Variants in TPST1 observed in about 807,000 individuals in gnomAD.
TPST1 encodes the protein tyrosylprotein sulfotransferase 1.
Under a neutral mutation model 34.8 loss-of-function variants are expected in TPST1, and 20 were observed. The ratio of observed to expected loss-of-function variants is 0.57; its 90% CI spans 0.40 to 0.84. The LOEUF is 0.84. TPST1 is among the 40% of genes least tolerant of loss of function. TPST1 has a pLI of 0.00. For missense variants in TPST1, 353 were observed against 455.5 expected, an observed-to-expected ratio of 0.78 and a Z score of 2.05; for synonymous variants, 152 against 159.4, an observed-to-expected ratio of 0.95 and a Z score of 0.35.
chr7:66,280,294 G>A (rs1390066577), intron 2 of TPST1, among the ~76,000 whole-genome samples: 5 of 152,240 alleles, frequency 3.3e-5, no homozygotes, highest in Non-Finnish European at 7.3e-5. Context: ...CTAAGCATTG[G>A]AAGCGTCTTT....
intron 3 of TPST1, among the ~76,000 whole-genome samples, chr7:66,296,793 T>G (rs1035957185): frequency 6.6e-6 from 1 of 150,972 alleles, no homozygotes; most frequent in African/African-American, 2.4e-5. Flanking sequence ...TCATGGTTAC[T>G]GTGACTCACA....
intron 3 of TPST1, among the ~76,000 whole-genome samples, chr7:66,323,639 C>G (rs1791803029): frequency 6.6e-6 from 1 of 152,122 alleles, no homozygotes; most frequent in South Asian, 2.1e-4. Flanking sequence ...CAGATGCTAT[C>G]TAGAGATTGG....
chr7:66,257,113 A>AT (rs143188985), intron 2 of TPST1, among the ~76,000 whole-genome samples: 1 of 151,940 alleles, frequency 6.6e-6, no homozygotes. Context: ...CACCTGGCTA[A>AT]TTTTTTTATT....
intron 1 of TPST1, among the ~76,000 whole-genome samples, chr7:66,223,572 A>C (rs1182272952): frequency 6.6e-6 from 1 of 151,976 alleles, no homozygotes; most frequent in Non-Finnish European, 1.5e-5. Flanking sequence ...GTTCCTCATC[A>C]TGGGTGGTCT....
intron 2 of TPST1, among the ~76,000 whole-genome samples, chr7:66,274,657 T>C (rs1790770506): frequency 6.6e-6 from 1 of 152,120 alleles, no homozygotes; most frequent in Admixed American, 6.6e-5. Context: ...AGACAACCTA[T>C]AGAATGGGTT....
At chr7:66,239,877 G>A (rs1789990379) in intron 1 of TPST1, among the ~76,000 whole-genome samples, 1 of 151,682 alleles carries the variant, frequency 6.6e-6, no homozygotes, top group Non-Finnish European at 1.5e-5. Context: ...TTTTTGTTTT[G>A]TTTTGTTTTG....
At chr7:66,326,831 T>C (rs1188635493) in intron 3 of TPST1, among the ~76,000 whole-genome samples, 1 of 152,232 alleles carries the variant, frequency 6.6e-6, no homozygotes, top group Non-Finnish European at 1.5e-5. Flanking sequence ...ATCATGCTTC[T>C]AGACTGACTA....
At chr7:66,230,261 A>G (rs1211144699) in intron 1 of TPST1, among the ~76,000 whole-genome samples, 1 of 152,202 alleles carries the variant, frequency 6.6e-6, no homozygotes, top group Admixed American at 6.5e-5. Flanking sequence ...TTTACTGTCT[A>G]CAGATTTGCC....
intron 3 of TPST1, among the ~76,000 whole-genome samples, chr7:66,309,540 A>G (rs987308474): frequency 2.6e-5 from 4 of 152,106 alleles, no homozygotes; most frequent in Non-Finnish European, 4.4e-5. Flanking sequence ...AGGAGTAGGA[A>G]CCTGACCCAA....
At chr7:66,246,327 A>C (rs1461566452) in intron 2 of TPST1, among the ~76,000 whole-genome samples, 2 of 151,282 alleles carry the variant, frequency 1.3e-5, no homozygotes, top group Admixed American at 1.3e-4. Context: ...TGCCATGCCC[A>C]GCCTCCTTTT....
chr7:66,276,256 A>G (rs1453634760), intron 2 of TPST1, among the ~76,000 whole-genome samples: 2 of 150,378 alleles, frequency 1.3e-5, no homozygotes, highest in Non-Finnish European at 3.0e-5. Flanking sequence ...GTTCCCTTTG[A>G]TTCTCTTCTT....
At chr7:66,352,749 CA>C in intron 4 of TPST1, 194 bp downstream of exon 4, 1 of 985,440 alleles carries the variant, frequency 1.0e-6, no homozygotes, top group Non-Finnish European at 1.2e-6. Flanking sequence ...TAATTTAACA[CA>C]GTCTTAATTT....
intron 3 of TPST1, among the ~76,000 whole-genome samples, chr7:66,293,011 C>T (rs1224594210): frequency 6.2e-4 from 95 of 152,160 alleles, no homozygotes; most frequent in Non-Finnish European, 1.8e-4. Context: ...TCGAGACCAT[C>T]CTGGCTAACA....
chr7:66,293,786 T>A (rs894254777), intron 3 of TPST1, among the ~76,000 whole-genome samples: 2 of 152,230 alleles, frequency 1.3e-5, no homozygotes, highest in Admixed American at 1.3e-4. Context: ...GGCATAATTT[T>A]TGGATACCTA....
At chr7:66,258,825 T>C (rs1290852262) in intron 2 of TPST1, among the ~76,000 whole-genome samples, 1 of 152,348 alleles carries the variant, frequency 6.6e-6, no homozygotes, top group African/African-American at 2.4e-5. Flanking sequence ...GCCCAGAGTT[T>C]TTGCTGCTCA....
At chr7:66,286,223 T>C (rs1449638601) in intron 2 of TPST1, among the ~76,000 whole-genome samples, 1 of 152,152 alleles carries the variant, frequency 6.6e-6, no homozygotes, top group East Asian at 1.9e-4. Flanking sequence ...TTTGTTACTG[T>C]TTTTTTCCTG....
upstream of TPST1, among the ~76,000 whole-genome samples, chr7:66,200,659 A>T (rs1011044093): frequency 1.3e-5 from 2 of 151,842 alleles, no homozygotes; most frequent in African/African-American, 4.8e-5. Flanking sequence ...TGACCTCATG[A>T]TCCATCCGCT....
At chr7:66,310,928 TG>T (rs2116118413) in intron 3 of TPST1, among the ~76,000 whole-genome samples, 1 of 152,140 alleles carries the variant, frequency 6.6e-6, no homozygotes, top group East Asian at 1.9e-4. Flanking sequence ...TGGGCTCAGG[TG>T]ATCCTCCCAC....
intron 3 of TPST1, among the ~76,000 whole-genome samples, chr7:66,340,774 C>T (rs1392952070): frequency 3.9e-5 from 6 of 152,118 alleles, no homozygotes; most frequent in Non-Finnish European, 8.8e-5. Flanking sequence ...ACTTCATACT[C>T]ATGGATTAGA....
Sources: gnomAD v4.1 joint callset for allele counts (sites outside exome capture counted in the v4.1 genomes callset) on GRCh38, gnomAD v4.1.1 for gene constraint, MANE v1.5 for transcripts, NCBI Gene and HGNC (gene_info 2026-07-23, HGNC 2026-07-21) for gene names.